CNTNAP5: variants seen among roughly 807,000 people sequenced by gnomAD.
The protein encoded by CNTNAP5 is contactin-associated protein-like 5.
Under a neutral mutation model 150.2 loss-of-function variants are expected in CNTNAP5, and 72 were observed. The observed-to-expected ratio is 0.48, with a 90% CI of 0.40 to 0.58. The LOEUF (loss-of-function observed/expected upper bound fraction) is 0.58, where lower values mean the gene tolerates loss of function less well. CNTNAP5 is among the 20% of genes least tolerant of loss of function. The pLI is 0.00. For missense variants in CNTNAP5, 1,636 were observed against 1,626.2 expected, an observed-to-expected ratio of 1.01 and a Z score of -0.10; for synonymous variants, 672 against 619.8, an observed-to-expected ratio of 1.08 and a Z score of -1.25.
At chr2:124,721,310 C>T (rs574571363) in intron 13 of CNTNAP5, among the ~76,000 whole-genome samples, 14 of 152,124 alleles carry the variant, frequency 9.2e-5, no homozygotes, top group African/African-American at 3.4e-4. Context: ...GAAACCCCAT[C>T]TCTCCAAAAA....
At chr2:124,472,986 G>A (rs1439707762) in intron 6 of CNTNAP5, among the ~76,000 whole-genome samples, 7 of 151,742 alleles carry the variant, frequency 4.6e-5, no homozygotes, top group African/African-American at 1.7e-4. Flanking sequence ...CAAATTAAAA[G>A]GAAATAACTA....
At chr2:124,409,980 G>A (rs3115216) in intron 3 of CNTNAP5, among the ~76,000 whole-genome samples, 143,589 of 149,694 alleles carry the variant, frequency 0.96, 68,933 homozygotes, top group East Asian at 1. Context: ...TGTATTCAGG[G>A]AACCCATCTC....
chr2:124,883,234 G>A (rs929214667), intron 21 of CNTNAP5, among the ~76,000 whole-genome samples: 2 of 151,808 alleles, frequency 1.3e-5, no homozygotes, highest in Non-Finnish European at 2.9e-5. Context: ...GCTAATTTTT[G>A]TATTTTGTAT....
At chr2:124,434,417 G>A in intron 4 of CNTNAP5, 67 bp from the exon 5 acceptor site, 1 of 1,198,014 alleles carries the variant, frequency 8.3e-7, no homozygotes. Context: ...AAATAAGATG[G>A]GAAACAGTAA....
At chr2:124,691,387 T>C (rs941118216) in intron 13 of CNTNAP5, among the ~76,000 whole-genome samples, 1 of 152,068 alleles carries the variant, frequency 6.6e-6, no homozygotes, top group African/African-American at 2.4e-5. Context: ...CTGATTTCTA[T>C]TGTCTGCCTT....
At chr2:124,862,797 C>A (rs1677553620) in intron 19 of CNTNAP5, among the ~76,000 whole-genome samples, 1 of 152,132 alleles carries the variant, frequency 6.6e-6, no homozygotes, top group Admixed American at 6.5e-5. Flanking sequence ...ATTTGCTTCC[C>A]CAAGAGTCAT....
At chr2:124,070,187 A>G (rs1303474127) in intron 1 of CNTNAP5, among the ~76,000 whole-genome samples, 1 of 152,010 alleles carries the variant, frequency 6.6e-6, no homozygotes, top group Non-Finnish European at 1.5e-5. Context: ...TACAACAAAT[A>G]CATAAAATAT....
chr2:124,495,184 A>G (rs1486932243), intron 7 of CNTNAP5, among the ~76,000 whole-genome samples: 1 of 152,170 alleles, frequency 6.6e-6, no homozygotes, highest in Non-Finnish European at 1.5e-5. Context: ...ATATACATAT[A>G]CCATAATTTA....
chr2:124,148,627 G>A (rs1684320134), intron 1 of CNTNAP5, among the ~76,000 whole-genome samples: 1 of 148,376 alleles, frequency 6.7e-6, no homozygotes, highest in Admixed American at 6.8e-5. Flanking sequence ...GGAAACTATT[G>A]ATAATGCTCA....
At chr2:124,437,061 T>A (rs548059733) in intron 5 of CNTNAP5, among the ~76,000 whole-genome samples, 1 of 152,280 alleles carries the variant, frequency 6.6e-6, no homozygotes, top group East Asian at 1.9e-4. Context: ...AGGGGAGTGG[T>A]AATAGCTTTG....
intron 3 of CNTNAP5, among the ~76,000 whole-genome samples, chr2:124,353,848 T>A (rs1295271322): frequency 6.6e-6 from 1 of 152,186 alleles, no homozygotes; most frequent in East Asian, 1.9e-4. Context: ...TTTAATTGTG[T>A]CACAGAGAGA....
At chr2:124,164,624 GACAATCTGCTAGA>G (rs1224641211) in intron 1 of CNTNAP5, among the ~76,000 whole-genome samples, 1 of 152,150 alleles carries the variant, frequency 6.6e-6, no homozygotes, top group Non-Finnish European at 1.5e-5. Flanking sequence ...TGATTTATTG[GACAATCTGCTAGA>G]ACACTAAAGT....
At chr2:124,491,829 T>A (rs1192402008) in intron 7 of CNTNAP5, among the ~76,000 whole-genome samples, 1 of 152,064 alleles carries the variant, frequency 6.6e-6, no homozygotes, top group Admixed American at 6.6e-5. Context: ...CAACTTGCAT[T>A]GTGGTTTGGA....
Position 124,595,206 on chromosome 2 carries a change from G to A in CNTNAP5, c.1757-14595G>A, listed in dbSNP as rs1237814219. On this transcript the variant is annotated intron_variant, in intron 11 of 23. Coordinates refer to ENST00000682447, the MANE Select transcript of CNTNAP5 (RefSeq NM_001367498.1). ...AGGAGCGGTGAGAGAGGGCATCCCT[G>A]TCTTGTGCCAGTTTTCAAAGGGAAT... Among the ~76,000 whole-genome samples, 266 of 138,434 alleles carry A rather than the reference G, an allele frequency of 1.9e-3. 2 individuals are homozygous for A. The highest frequency in any genetic ancestry group is 6.2e-3 in the African/African-American group (236 of 38,032). 90.8% of individuals were successfully genotyped at this position (138,434 alleles called of 152,430 possible). A position where few individuals can be genotyped will look rare whatever the true frequency, so the allele number is the denominator to read the frequency against.
chr2:124,706,193 A>G (rs1293174824), intron 13 of CNTNAP5, among the ~76,000 whole-genome samples: 1 of 152,164 alleles, frequency 6.6e-6, no homozygotes, highest in Non-Finnish European at 1.5e-5. Context: ...TCCAAATGTT[A>G]GAAATAATTA....
intron 7 of CNTNAP5, among the ~76,000 whole-genome samples, chr2:124,485,482 G>A (rs375091986): frequency 6.4e-4 from 97 of 151,736 alleles, no homozygotes; most frequent in African/African-American, 2.0e-3. Flanking sequence ...GCGTGGTGGC[G>A]GGCACCTGTA....
chr2:124,274,717 A>G (rs1687844964), intron 3 of CNTNAP5, among the ~76,000 whole-genome samples: 1 of 152,110 alleles, frequency 6.6e-6, no homozygotes, highest in African/African-American at 2.4e-5. Flanking sequence ...TTAGAGGTGG[A>G]ATTTTTGCAT....
At chr2:124,165,286 C>A (rs76567698) in intron 1 of CNTNAP5, among the ~76,000 whole-genome samples, 12,330 of 152,112 alleles carry the variant, frequency 0.081, 688 homozygotes, top group Non-Finnish European at 0.13. Flanking sequence ...TCTCAGAGGT[C>A]CTTTCTCCTC....
chr2:124,671,205 C>T (rs534889030), intron 13 of CNTNAP5, among the ~76,000 whole-genome samples: 15 of 152,300 alleles, frequency 9.8e-5, no homozygotes, highest in Admixed American at 8.5e-4. Flanking sequence ...AAAGTTTCCA[C>T]CTCTTCATGG....
Sources: gnomAD v4.1 joint callset for allele counts (sites outside exome capture counted in the v4.1 genomes callset) on GRCh38, gnomAD v4.1.1 for gene constraint, MANE v1.5 for transcripts, NCBI Gene and HGNC (gene_info 2026-07-23, HGNC 2026-07-21) for gene names.